Variants in PBX3 observed in about 807,000 individuals in gnomAD.
PBX3 encodes pre-B-cell leukemia transcription factor 3.
Under a neutral mutation model 48.5 loss-of-function variants are expected in PBX3, and 14 were observed. The observed-to-expected ratio is 0.29, with a 90% CI of 0.19 to 0.45. The LOEUF is 0.45. PBX3 is among the 20% of genes least tolerant of loss of function. The pLI is 1.00. For synonymous variants in PBX3, 210 were observed against 200.3 expected, an observed-to-expected ratio of 1.05 and a Z score of -0.41; for missense variants, 386 against 546.7, an observed-to-expected ratio of 0.71 and a Z score of 2.93.
chr9:125,849,257 T>C (rs771834329), intron 2 of PBX3, among the ~76,000 whole-genome samples: 36 of 152,044 alleles, frequency 2.4e-4, no homozygotes, highest in Admixed American at 1.4e-3. Context: ...TTTGCAGATA[T>C]AACAGATAGG....
intron 3 of PBX3, among the ~76,000 whole-genome samples, chr9:125,921,814 A>G (rs1016651717): frequency 1.3e-5 from 2 of 152,186 alleles, no homozygotes; most frequent in Non-Finnish European, 2.9e-5. Context: ...AAATAGTTGC[A>G]GTACAAATTT....
intron 2 of PBX3, among the ~76,000 whole-genome samples, chr9:125,787,405 G>A (rs1458320410): frequency 6.6e-6 from 1 of 152,054 alleles, no homozygotes; most frequent in African/African-American, 2.4e-5. Flanking sequence ...TGAAGTCCTG[G>A]AATAGTTACT....
chr9:125,797,779 T>C (rs997883816), intron 2 of PBX3, among the ~76,000 whole-genome samples: 4 of 152,150 alleles, frequency 2.6e-5, no homozygotes, highest in African/African-American at 9.6e-5. Flanking sequence ...TTTAGACTTG[T>C]TCATTCTACA....
chr9:125,864,731 G>A (rs1839940756), intron 2 of PBX3, among the ~76,000 whole-genome samples: 1 of 152,204 alleles, frequency 6.6e-6, no homozygotes, highest in South Asian at 2.1e-4. Flanking sequence ...AATGCGATGG[G>A]GAGTGGCTAT....
chr9:125,849,741 A>G (rs1233998575), intron 2 of PBX3, among the ~76,000 whole-genome samples: 2 of 151,982 alleles, frequency 1.3e-5, no homozygotes, highest in Admixed American at 6.6e-5. Context: ...ATCAATATAC[A>G]TTTTATTTCC....
chr9:125,810,872 T>C (rs1838269433), intron 2 of PBX3, among the ~76,000 whole-genome samples: 1 of 152,140 alleles, frequency 6.6e-6, no homozygotes, highest in African/African-American at 2.4e-5. Context: ...GGTAGAAATC[T>C]TAACTATAGC....
At chr9:125,860,348 C>CTTA (rs760531367) in intron 2 of PBX3, among the ~76,000 whole-genome samples, 5 of 152,182 alleles carry the variant, frequency 3.3e-5, no homozygotes, top group Non-Finnish European at 7.3e-5. Flanking sequence ...TATATATGAA[C>CTTA]TTAGCATGTG....
At chr9:125,827,310 A>G (rs1489415160) in intron 2 of PBX3, among the ~76,000 whole-genome samples, 1 of 152,168 alleles carries the variant, frequency 6.6e-6, no homozygotes, top group East Asian at 1.9e-4. Flanking sequence ...GTTAAGTTTA[A>G]TAAATGTTAA....
intron 2 of PBX3, among the ~76,000 whole-genome samples, chr9:125,761,073 A>C (rs948952053): frequency 1.3e-5 from 2 of 152,220 alleles, no homozygotes; most frequent in Admixed American, 6.5e-5. Flanking sequence ...TTAGTGAACA[A>C]TTGAGCTTTT....
At chr9:125,748,344 CGCCTTGTTCCG>C in intron 1 of PBX3, 195 bp from the exon 2 acceptor site, 1 of 1,275,382 alleles carries the variant, frequency 7.8e-7, no homozygotes, top group Non-Finnish European at 1.0e-6. Context: ...CAGATGGGTC[CGCCTTGTTCCG>C]GCTGCAGCTT....
chr9:125,797,870 A>G (rs13296755), intron 2 of PBX3, among the ~76,000 whole-genome samples: 7 of 152,150 alleles, frequency 4.6e-5, no homozygotes, highest in African/African-American at 1.7e-4. Context: ...CAAAACATTA[A>G]CAGTAACAAT....
chr9:125,810,159 G>A (rs984823289), intron 2 of PBX3, among the ~76,000 whole-genome samples: 3 of 152,122 alleles, frequency 2.0e-5, no homozygotes, highest in Non-Finnish European at 4.4e-5. Context: ...AGTTGATAAT[G>A]TTCTACTAAG....
At chr9:125,938,555 C>T (rs747877382) in intron 5 of PBX3, among the ~76,000 whole-genome samples, 66 of 152,192 alleles carry the variant, frequency 4.3e-4, no homozygotes, top group Non-Finnish European at 8.5e-4. Flanking sequence ...GAGGAGCAGA[C>T]GGACATTGGG....
At chr9:125,910,927 G>C (rs998780523) in intron 2 of PBX3, among the ~76,000 whole-genome samples, 3 of 151,958 alleles carry the variant, frequency 2.0e-5, no homozygotes, top group African/African-American at 7.3e-5. Context: ...TCTTTCTCTG[G>C]AAGTGTTGAT....
At chr9:125,807,553 C>T (rs761183790) in intron 2 of PBX3, among the ~76,000 whole-genome samples, 21 of 152,128 alleles carry the variant, frequency 1.4e-4, no homozygotes, top group Non-Finnish European at 2.2e-4. Flanking sequence ...CGTAAGATTC[C>T]TAACCCCTCT....
intron 2 of PBX3, among the ~76,000 whole-genome samples, chr9:125,881,716 C>A (rs1840386202): frequency 6.6e-6 from 1 of 152,040 alleles, no homozygotes; most frequent in Non-Finnish European, 1.5e-5. Context: ...GAACTCCAGG[C>A]CTCAAGTGAT....
chr9:125,751,703 C>T (rs1259626064), intron 2 of PBX3, among the ~76,000 whole-genome samples: 1 of 152,130 alleles, frequency 6.6e-6, no homozygotes, highest in African/African-American at 2.4e-5. Flanking sequence ...TTATTTTAAA[C>T]CAAGTAACCA....
At chr9:125,876,439 A>C (rs772105262) in intron 2 of PBX3, among the ~76,000 whole-genome samples, 2 of 152,086 alleles carry the variant, frequency 1.3e-5, no homozygotes, top group Non-Finnish European at 2.9e-5. Flanking sequence ...CCTTCAGCCT[A>C]CTCAATGCGG....
At chr9:125,935,079 C>T (rs73668729) in intron 4 of PBX3, among the ~76,000 whole-genome samples, 4,248 of 152,218 alleles carry the variant, frequency 0.028, 232 homozygotes, top group African/African-American at 0.096. Context: ...CTGTCTTTTA[C>T]GGTGCCCCAA....
Sources: gnomAD v4.1 joint callset for allele counts (sites outside exome capture counted in the v4.1 genomes callset) on GRCh38, gnomAD v4.1.1 for gene constraint, MANE v1.5 for transcripts, NCBI Gene and HGNC (gene_info 2026-07-23, HGNC 2026-07-21) for gene names.